Variants in SPATA9 observed in about 807,000 individuals in gnomAD.
The protein encoded by SPATA9 is spermatogenesis-associated protein 9.
A neutral mutation model predicts 25.5 loss-of-function variants in SPATA9; 27 were observed. The observed-to-expected ratio is 1.06, with a 90% CI of 0.78 to 1.46. The LOEUF (loss-of-function observed/expected upper bound fraction) is 1.46. SPATA9 is among the 40% of genes most tolerant of loss of function. The pLI is 0.00. For missense variants in SPATA9, 282 were observed against 297.5 expected, an observed-to-expected ratio of 0.95 and a Z score of 0.38; for synonymous variants, 102 against 105.7, an observed-to-expected ratio of 0.97 and a Z score of 0.21.
intron 4 of SPATA9, among the ~76,000 whole-genome samples, chr5:95,661,140 T>C (rs1325164288): frequency 6.6e-6 from 1 of 152,132 alleles, no homozygotes; most frequent in Non-Finnish European, 1.5e-5. Flanking sequence ...TTTACTTGAC[T>C]TTTTCTGCTT....
At chr5:95,655,989 A>G, downstream of SPATA9, 4 of 1,525,238 alleles carry the variant, frequency 2.6e-6, no homozygotes, top group Non-Finnish European at 3.6e-6. Flanking sequence ...GACTCTTCAG[A>G]GTCTATCAAG....
the SPATA9 span, among the ~76,000 whole-genome samples, chr5:95,720,838 CTT>C: frequency 6.6e-6 from 1 of 152,098 alleles, no homozygotes; most frequent in Non-Finnish European, 1.5e-5. Flanking sequence ...ACTGATTATT[CTT>C]TTGTTTCTGT....
At chr5:95,666,855 A>G (rs1751856306) in intron 3 of SPATA9, among the ~76,000 whole-genome samples, 1 of 152,222 alleles carries the variant, frequency 6.6e-6, no homozygotes, top group Non-Finnish European at 1.5e-5. Flanking sequence ...TAAAAATTCT[A>G]CATCCCATGT....
intron 1 of SPATA9, 44 bp from the exon 2 acceptor site, chr5:95,682,660 C>T (rs773082671): frequency 6.5e-7 from 1 of 1,545,600 alleles, no homozygotes; most frequent in Non-Finnish European, 8.8e-7. Context: ...TTGAAAACAT[C>T]CCCTAAATGT....
rs1561391904 is a variant in SPATA9, at chr5:95,658,689, C to G, written c.699G>C (p.Gln233His). 2 of 1,613,724 alleles carry G rather than the reference C, an allele frequency of 1.2e-6. No individual in the cohort carries two copies. The highest frequency in any genetic ancestry group is 1.7e-6 in the Non-Finnish European group (2 of 1,179,852). ...SDYPKLLANK[Q>H]SNNIQVLHSV... ...AATGTAAAACTTGGATGTTATTACT[C>G]TGCTTATTAGCAAGAAGCTTGGGGT... is the stretch of plus-strand genomic sequence containing the variant. Residue 233 changes from glutamine (Q) to histidine (H), a missense_variant, in exon 5 of 5, where the codon CAG (glutamine) becomes CAC (histidine). Coordinates refer to ENST00000274432, the MANE Select transcript of SPATA9 (RefSeq NM_031952.4).
intron 3 of SPATA9, among the ~76,000 whole-genome samples, chr5:95,671,914 A>T (rs573024302): frequency 4.8e-4 from 44 of 91,744 alleles, no homozygotes; most frequent in South Asian, 1.4e-3. Flanking sequence ...AAGTATAATT[A>T]AAAAAAGTAA....
downstream of SPATA9, chr5:95,656,547 T>G: frequency 2.7e-6 from 1 of 364,644 alleles, no homozygotes; most frequent in Non-Finnish European, 4.9e-6. Flanking sequence ...AGGTTATAGG[T>G]TTGGGATGTT....
chr5:95,724,397 G>C, the SPATA9 span, among the ~76,000 whole-genome samples: 1 of 152,226 alleles, frequency 6.6e-6, no homozygotes, highest in Non-Finnish European at 1.5e-5. Flanking sequence ...TTTCAGAACT[G>C]ACTGAAATTA....
At chr5:95,711,044 T>TA in the SPATA9 span, among the ~76,000 whole-genome samples, 258 of 152,264 alleles carry the variant, frequency 1.7e-3, 2 homozygotes, top group Middle Eastern at 0.024. Context: ...GGAGGTGCTC[T>TA]AAAAACGCTC....
chr5:95,672,413 A>G (rs1752479353), intron 3 of SPATA9, among the ~76,000 whole-genome samples: 1 of 151,974 alleles, frequency 6.6e-6, no homozygotes, highest in African/African-American at 2.4e-5. Flanking sequence ...CAACAAGCAC[A>G]ATTTCTCTAG....
chr5:95,701,261 G>A (rs944037461), upstream of SPATA9: 1 of 152,126 alleles, frequency 6.6e-6, no homozygotes, highest in Non-Finnish European at 1.5e-5. Context: ...TCAGGACAGT[G>A]CCCAGTGGGA....
intron 3 of SPATA9, among the ~76,000 whole-genome samples, chr5:95,664,904 C>T (rs1751614169): frequency 6.6e-6 from 1 of 151,982 alleles, no homozygotes; most frequent in South Asian, 2.1e-4. Flanking sequence ...AGACAACGTT[C>T]ATTAAAGAGT....
At chr5:95,674,480 C>T (rs1329434652) in intron 3 of SPATA9, among the ~76,000 whole-genome samples, 6 of 152,172 alleles carry the variant, frequency 3.9e-5, no homozygotes, top group African/African-American at 1.4e-4. Flanking sequence ...TGGAATGAAC[C>T]TGGAGACATT....
At chr5:95,697,266 G>A (rs1754046945) in intron 1 of SPATA9, among the ~76,000 whole-genome samples, 1 of 152,138 alleles carries the variant, frequency 6.6e-6, no homozygotes, top group Non-Finnish European at 1.5e-5. Flanking sequence ...CCTTTTGGCT[G>A]CTTCAGAAGA....
upstream of SPATA9, among the ~76,000 whole-genome samples, chr5:95,699,752 G>A (rs999079914): frequency 2.6e-5 from 4 of 152,228 alleles, no homozygotes; most frequent in African/African-American, 9.6e-5. Flanking sequence ...AGCAAGTTTG[G>A]TGGGTGAGCA....
At chr5:95,660,651 G>T (rs975997403) in intron 4 of SPATA9, among the ~76,000 whole-genome samples, 3 of 152,018 alleles carry the variant, frequency 2.0e-5, no homozygotes, top group Non-Finnish European at 2.9e-5. Context: ...TGCAAAAAAG[G>T]TTGGAAAGTT....
chr5:95,662,071 G>GA (rs1164445593), intron 4 of SPATA9, among the ~76,000 whole-genome samples: 1 of 152,012 alleles, frequency 6.6e-6, no homozygotes, highest in African/African-American at 2.4e-5. Context: ...ATTGGTACAA[G>GA]AATAGACAAA....
At chr5:95,693,982 G>A (rs948744126) in intron 1 of SPATA9, among the ~76,000 whole-genome samples, 3 of 151,986 alleles carry the variant, frequency 2.0e-5, no homozygotes, top group African/African-American at 4.8e-5. Flanking sequence ...GTAACACAGC[G>A]AGACCCCATC....
chr5:95,674,741 T>C (rs184592381), intron 3 of SPATA9: 14 of 456,690 alleles, frequency 3.1e-5, no homozygotes, highest in Admixed American at 7.0e-5. Flanking sequence ...TGGGAGCTAA[T>C]ACATCTTCTT....
Sources: gnomAD v4.1 joint callset for allele counts (sites outside exome capture counted in the v4.1 genomes callset) on GRCh38, gnomAD v4.1.1 for gene constraint, MANE v1.5 for transcripts, NCBI Gene and HGNC (gene_info 2026-07-23, HGNC 2026-07-21) for gene names.